IGF1R: variants seen among roughly 807,000 people sequenced by gnomAD.
IGF1R encodes insulin-like growth factor 1 receptor.
Under a neutral mutation model 144.6 loss-of-function variants are expected in IGF1R, and 44 were observed. That is an observed-to-expected ratio of 0.30 (90% CI 0.24 to 0.39). The LOEUF is 0.39. Ranked by LOEUF, IGF1R falls within the 10% of genes least tolerant of loss-of-function variation. IGF1R has a pLI of 1.00. For synonymous variants in IGF1R, 795 were observed against 722.8 expected, an observed-to-expected ratio of 1.10 and a Z score of -1.60; for missense variants, 1,355 against 1,833.7, an observed-to-expected ratio of 0.74 and a Z score of 4.77.
chr15:98,933,516 T>A (rs978191207), intron 15 of IGF1R, among the ~76,000 whole-genome samples: 3 of 152,074 alleles, frequency 2.0e-5, no homozygotes, highest in Non-Finnish European at 4.4e-5. Flanking sequence ...GCTAATTTTT[T>A]AATAGAGACA....
intron 2 of IGF1R, among the ~76,000 whole-genome samples, chr15:98,812,358 GC>G (rs916319779): frequency 6.1e-5 from 9 of 148,370 alleles, no homozygotes; most frequent in African/African-American, 1.2e-4. Context: ...TCTTGAAAAA[GC>G]TTTTTTTTTT....
rs927474773 is a variant in IGF1R at position 98,960,294 on chromosome 15, T to TTC, written c.*2853_*2854insCT. On this transcript the variant is annotated 3_prime_UTR_variant, in exon 21 of 21. Coordinates refer to ENST00000650285, the MANE Select transcript of IGF1R (RefSeq NM_000875.5). ...CTGAGATGTCCTGTTTTGTGTTGCT[T>TTC]TTTTTGTTTTGTTTTCTATCTTGGT... 4 of 227,710 alleles carry TTC rather than the reference T, an allele frequency of 1.8e-5. No individual in the cohort carries two copies. In the Admixed American group the frequency reaches 2.4e-4, roughly 13 times the overall value. The allele number at this position is 227,710 out of a possible 1,614,324, so 14.1% of individuals were successfully genotyped here. A position where few individuals can be genotyped will look rare whatever the true frequency, so the allele number is the denominator to read the frequency against.
At chr15:98,953,139 T>C (rs901341287) in intron 20 of IGF1R, 5 of 152,228 alleles carry the variant, frequency 3.3e-5, no homozygotes, top group African/African-American at 1.2e-4. Context: ...TGTGTGGTTC[T>C]GAGATCTGAA....
intron 5 of IGF1R, among the ~76,000 whole-genome samples, chr15:98,901,491 G>A (rs2151659863): frequency 6.6e-6 from 1 of 152,300 alleles, no homozygotes; most frequent in African/African-American, 2.4e-5. Flanking sequence ...TTTGCTTCAG[G>A]TGTTGAGACC....
chr15:98,913,683 A>G (rs74321500), intron 8 of IGF1R, among the ~76,000 whole-genome samples: 3,510 of 152,302 alleles, frequency 0.023, 154 homozygotes, highest in African/African-American at 0.079. Context: ...TTCCATCTTC[A>G]TTCTGGAGCT....
chr15:98,881,417 T>C (rs1304656817), intron 2 of IGF1R, among the ~76,000 whole-genome samples: 1 of 152,106 alleles, frequency 6.6e-6, no homozygotes, highest in Non-Finnish European at 1.5e-5. Context: ...GCCTCCCGGG[T>C]TCAAGCAATT....
At chr15:98,795,933 G>A (rs899653041) in intron 2 of IGF1R, among the ~76,000 whole-genome samples, 2 of 152,176 alleles carry the variant, frequency 1.3e-5, no homozygotes, top group East Asian at 1.9e-4. Flanking sequence ...CTAAATCACC[G>A]CTAAGATTTA....
intron 10 of IGF1R, among the ~76,000 whole-genome samples, chr15:98,921,236 G>C (rs2015472048): frequency 6.6e-6 from 1 of 152,054 alleles, no homozygotes; most frequent in Admixed American, 6.6e-5. Context: ...GTTTTTGTTG[G>C]TTCCTGTAAA....
rs568586004 is a variant in IGF1R, at chr15:98,883,973, A to T, written c.641-7352A>T. 8.5e-5 allele frequency among the ~76,000 whole-genome samples: 13 copies of T among 152,346 alleles called. No homozygotes were observed. In the South Asian group the frequency reaches 2.7e-3, roughly 32 times the overall value. ...TGGTACCATGTTCATGAGGCTCCAGATAATTCCACAAATACATTATTATTG... is the reference window on the plus strand; with the variant it reads ...TGGTACCATGTTCATGAGGCTCCAGTTAATTCCACAAATACATTATTATTG... On this transcript the variant is annotated intron_variant, in intron 2 of 20. Transcript: ENST00000650285.
At chr15:98,746,301 A>G (rs190390486) in intron 2 of IGF1R, among the ~76,000 whole-genome samples, 3 of 152,304 alleles carry the variant, frequency 2.0e-5, no homozygotes, top group African/African-American at 7.2e-5. Context: ...TCTTTGTATC[A>G]TTTTTAAAAG....
chr15:98,725,625 A>G (rs2141287372), intron 2 of IGF1R, among the ~76,000 whole-genome samples: 1 of 152,228 alleles, frequency 6.6e-6, no homozygotes, highest in South Asian at 2.1e-4. Context: ...TTTGATCAAG[A>G]TCCTTGTACC....
At chr15:98,655,153 C>G (rs1441196833) in intron 1 of IGF1R, among the ~76,000 whole-genome samples, 1 of 151,968 alleles carries the variant, frequency 6.6e-6, no homozygotes, top group Non-Finnish European at 1.5e-5. Flanking sequence ...GAGGAAGGAA[C>G]ATATATTTGG....
At chr15:98,793,288 TA>T (rs1295930389) in intron 2 of IGF1R, among the ~76,000 whole-genome samples, 5 of 152,098 alleles carry the variant, frequency 3.3e-5, no homozygotes, top group Admixed American at 6.6e-5. Context: ...AACAAGTACT[TA>T]AAAAAAATCT....
At chr15:98,824,058 G>A (rs1175770974) in intron 2 of IGF1R, 2 of 152,064 alleles carry the variant, frequency 1.3e-5, no homozygotes, top group Non-Finnish European at 2.9e-5. Context: ...TATGTTTGTC[G>A]CATAGCCAGC....
At chr15:98,660,579 A>G (rs1053768887) in intron 1 of IGF1R, 13 of 152,228 alleles carry the variant, frequency 8.5e-5, no homozygotes, top group African/African-American at 2.7e-4. Flanking sequence ...ATTTATTTTC[A>G]TCTGATCATT....
In IGF1R at chr15:98,924,029, G is replaced by A; in HGVS notation, c.2622+17G>A. 3 of 1,612,286 alleles carry A rather than the reference G, an allele frequency of 1.9e-6. No individual in the cohort carries two copies. The East Asian group carries it at 6.7e-5, about 36-fold the overall frequency. Reference sequence around the variant, plus strand: ...CAAGTTGAGGTAGGACTGGGGCAGTGGCCCGTGCCTGCATGTACTTCCATC... The same window carrying A: ...CAAGTTGAGGTAGGACTGGGGCAGTAGCCCGTGCCTGCATGTACTTCCATC... On this transcript the variant is annotated intron_variant, in intron 12 of 20. Transcript: ENST00000650285.
rs942871561 is a variant in IGF1R at position 98,649,493 on chromosome 15, T to C, written c.-89T>C. 3.3e-6 allele frequency: 3 copies of C among 916,208 alleles called. No individual in the cohort carries two copies. The highest frequency in any genetic ancestry group is 5.1e-6 in the Non-Finnish European group (3 of 587,728). The allele number at this position is 916,208 out of a possible 1,614,324, so 56.8% of individuals were successfully genotyped here. On this transcript the variant is annotated 5_prime_UTR_variant, in exon 1 of 21. Transcript: ENST00000650285. ...GAGCGAAGACTGAGTTTGAGACTTG[T>C]TTCCTTTCATTTCCTTTTTTTCTTT... is the stretch of plus-strand genomic sequence containing the variant.
Position 98,964,247 on chromosome 15 carries a change from G to A in IGF1R, c.*6805G>A, listed in dbSNP as rs900123575. Reference sequence around the variant, plus strand: ...GTAAGAAAAAAAAAGGTAATAACATGGCCAATTTGTTACATAAAATGACTT... The same window carrying A: ...GTAAGAAAAAAAAAGGTAATAACATAGCCAATTTGTTACATAAAATGACTT... On this transcript the variant is annotated 3_prime_UTR_variant, in exon 21 of 21. Coordinates refer to ENST00000650285, the MANE Select transcript of IGF1R (RefSeq NM_000875.5). 15 of 232,076 alleles carry A rather than the reference G, an allele frequency of 6.5e-5. No homozygotes were observed. Among genetic ancestry groups the A allele is most frequent in the African/African-American group, 2.9e-4 (13 of 45,132 alleles). 14.4% of individuals were successfully genotyped at this position (232,076 alleles called of 1,614,324 possible).
intron 2 of IGF1R, among the ~76,000 whole-genome samples, chr15:98,748,502 C>A (rs189270944): frequency 1.3e-5 from 2 of 152,148 alleles, no homozygotes; most frequent in Non-Finnish European, 2.9e-5. Context: ...CTTTTAATTT[C>A]TTTACTCATT....
Sources: allele counts gnomAD v4.1 joint callset (sites outside exome capture counted in the v4.1 genomes callset), GRCh38; gene constraint gnomAD v4.1.1; transcripts MANE v1.5; gene names NCBI Gene and HGNC (gene_info 2026-07-23, HGNC 2026-07-21).